The following GABRG3 variants were observed in gnomAD, a reference collection of about 807,000 sequenced individuals.
GABRG3 encodes the protein gamma-aminobutyric acid receptor subunit gamma-3.
GABRG3 carries 25 observed loss-of-function variants against 48.8 expected under a neutral mutation model. That is an observed-to-expected ratio of 0.51 (90% CI 0.37 to 0.72). The LOEUF (loss-of-function observed/expected upper bound fraction) is 0.72, where lower values mean the gene tolerates loss of function less well. Ranked by LOEUF, GABRG3 falls within the 30% of genes least tolerant of loss-of-function variation. The pLI is 0.00. For synonymous variants in GABRG3, 227 were observed against 217.6 expected, an observed-to-expected ratio of 1.04 and a Z score of -0.38; for missense variants, 394 against 577.9, an observed-to-expected ratio of 0.68 and a Z score of 3.26.
intron 2 of GABRG3, 122 bp downstream of exon 2, chr15:26,977,272 T>C: frequency 3.0e-6 from 3 of 1,005,028 alleles, no homozygotes; most frequent in South Asian, 1.6e-5. Flanking sequence ...TTTCCTGTAC[T>C]TGTCACACAA....
At chr15:27,090,438 G>A (rs117318366) in intron 3 of GABRG3, among the ~76,000 whole-genome samples, 3,656 of 152,284 alleles carry the variant, frequency 0.024, 75 homozygotes, top group South Asian at 0.08. Flanking sequence ...GGAATTCTAT[G>A]TTTAACTGAT....
chr15:27,533,122 T>C lies in GABRG3; in HGVS notation c.*241T>C, dbSNP rs576593214. ...TTAAAGTAATATTCTTGCTAATCCC[T>C]ACTGAATTGTAGCTTGGTGTTGTTT... On this transcript the variant is annotated 3_prime_UTR_variant, in exon 10 of 10. Coordinates refer to ENST00000615808, the MANE Select transcript of GABRG3 (RefSeq NM_033223.5). The C allele has an allele frequency of 7.1e-4, 309 of 437,996 alleles. 1 individual carries two copies. Among genetic ancestry groups the C allele is most frequent in the Non-Finnish European group, 7.3e-4 (179 of 244,898 alleles). 27.1% of individuals were successfully genotyped at this position (437,996 alleles called of 1,614,324 possible).
chr15:27,307,110 T>TATAC (rs1384740519), intron 3 of GABRG3, among the ~76,000 whole-genome samples: 2 of 123,860 alleles, frequency 1.6e-5, no homozygotes, highest in African/African-American at 7.7e-5. Flanking sequence ...TAAACATGTT[T>TATAC]ATATATAAAC....
intron 6 of GABRG3, among the ~76,000 whole-genome samples, chr15:27,494,428 T>C (rs1890433167): frequency 6.6e-6 from 1 of 152,116 alleles, no homozygotes; most frequent in African/African-American, 2.4e-5. Flanking sequence ...GTGTTAATTC[T>C]TCTTTAAATG....
intron 3 of GABRG3, among the ~76,000 whole-genome samples, chr15:27,316,656 G>A (rs935723741): frequency 2.6e-5 from 4 of 152,146 alleles, no homozygotes; most frequent in African/African-American, 7.2e-5. Flanking sequence ...TTTTATGTGG[G>A]GGAAATTCCC....
At chr15:27,052,621 G>C (rs1896474858) in intron 3 of GABRG3, among the ~76,000 whole-genome samples, 1 of 152,122 alleles carries the variant, frequency 6.6e-6, no homozygotes, top group Admixed American at 6.5e-5. Context: ...AAATGAGCAA[G>C]AAGATTCAGC....
intron 5 of GABRG3, among the ~76,000 whole-genome samples, chr15:27,359,616 C>T (rs1337010941): frequency 6.6e-6 from 1 of 152,114 alleles, no homozygotes; most frequent in Non-Finnish European, 1.5e-5. Context: ...CATAACAGAA[C>T]ATAAAATTAA....
chr15:27,373,449 A>G (rs564817490), intron 5 of GABRG3, among the ~76,000 whole-genome samples: 3 of 152,284 alleles, frequency 2.0e-5, no homozygotes, highest in South Asian at 2.1e-4. Context: ...ATAAACCACA[A>G]TCTTCCAGGC....
intron 5 of GABRG3, among the ~76,000 whole-genome samples, chr15:27,444,827 C>CA (rs1888895081): frequency 6.6e-6 from 1 of 152,106 alleles, no homozygotes; most frequent in Non-Finnish European, 1.5e-5. Context: ...AATTGATGCA[C>CA]ATTTCCAAAG....
chr15:27,108,559 G>A (rs938062838), intron 3 of GABRG3, among the ~76,000 whole-genome samples: 14 of 152,150 alleles, frequency 9.2e-5, no homozygotes, highest in Non-Finnish European at 8.8e-5. Flanking sequence ...TGCTGTTGTC[G>A]GATGGAGTAT....
intron 5 of GABRG3, among the ~76,000 whole-genome samples, chr15:27,338,930 G>A (rs1409271508): frequency 1.3e-5 from 2 of 152,212 alleles, no homozygotes; most frequent in African/African-American, 4.8e-5. Flanking sequence ...TCTGGTGTGT[G>A]TATTATAATA....
intron 7 of GABRG3, among the ~76,000 whole-genome samples, chr15:27,523,770 G>C (rs1891212007): frequency 6.6e-6 from 1 of 151,864 alleles, no homozygotes; most frequent in African/African-American, 2.4e-5. Flanking sequence ...ACAGAGGAAA[G>C]AATCAGTGAA....
intron 3 of GABRG3, among the ~76,000 whole-genome samples, chr15:27,064,490 G>A (rs1193685920): frequency 6.6e-6 from 1 of 152,156 alleles, no homozygotes; most frequent in Non-Finnish European, 1.5e-5. Context: ...GGGCTTTCTG[G>A]CCTTTGTCTG....
At chr15:27,151,445 G>A (rs1898313827) in intron 3 of GABRG3, among the ~76,000 whole-genome samples, 1 of 151,632 alleles carries the variant, frequency 6.6e-6, no homozygotes, top group African/African-American at 2.4e-5. Context: ...ATTGCGAGTA[G>A]TATTCCGTAG....
chr15:27,307,394 T>C lies in GABRG3; in HGVS notation c.271-19415T>C, dbSNP rs1245644658. 2.4e-4 allele frequency among the ~76,000 whole-genome samples: 9 copies of C among 36,924 alleles called. 1 individual carries two copies. The highest frequency in any genetic ancestry group is 6.7e-4 in the African/African-American group (8 of 11,994). 24.2% of individuals were successfully genotyped at this position (36,924 alleles called of 152,430 possible). A position where few individuals can be genotyped will look rare whatever the true frequency, so the allele number is the denominator to read the frequency against. ...AGGTTTATATATTTATATATAACCATATAGGTTTATATATTTATATATAAA... is the reference window on the plus strand; with the variant it reads ...AGGTTTATATATTTATATATAACCACATAGGTTTATATATTTATATATAAA... On this transcript the variant is annotated intron_variant, in intron 3 of 9. Transcript: ENST00000615808.
At chr15:27,099,117 TATTGGGC>T (rs1208644454) in intron 3 of GABRG3, among the ~76,000 whole-genome samples, 1 of 152,158 alleles carries the variant, frequency 6.6e-6, no homozygotes, top group Non-Finnish European at 1.5e-5. Flanking sequence ...ATGTTGTAAT[TATTGGGC>T]AAAATATGTA....
chr15:27,102,677 G>A (rs982742132), intron 3 of GABRG3, among the ~76,000 whole-genome samples: 22 of 152,270 alleles, frequency 1.4e-4, no homozygotes, highest in Admixed American at 3.3e-4. Flanking sequence ...TCAGGAATAC[G>A]ATGCTATGGG....
intron 3 of GABRG3, among the ~76,000 whole-genome samples, chr15:27,064,455 C>T (rs567121522): frequency 6.6e-6 from 1 of 152,336 alleles, no homozygotes; most frequent in Admixed American, 6.5e-5. Flanking sequence ...CCCCAGCCCA[C>T]TGGCTCCTCA....
intron 2 of GABRG3, among the ~76,000 whole-genome samples, chr15:27,019,559 A>C (rs1346102827): frequency 1.3e-5 from 2 of 152,244 alleles, no homozygotes; most frequent in African/African-American, 2.4e-5. Flanking sequence ...TGCTTATGAC[A>C]GTGCCATGTA....
Sources: allele counts gnomAD v4.1 joint callset (sites outside exome capture counted in the v4.1 genomes callset), GRCh38; gene constraint gnomAD v4.1.1; transcripts MANE v1.5; gene names NCBI Gene and HGNC (gene_info 2026-07-23, HGNC 2026-07-21).